PEAK1: variants seen among roughly 807,000 people sequenced by gnomAD.
The protein encoded by PEAK1 is pseudopodium enriched atypical kinase 1, also known as inactive tyrosine-protein kinase PEAK1.
In PEAK1, 54 loss-of-function variants were observed where a neutral mutation model predicts 124.7. The observed-to-expected ratio is 0.43, with a 90% CI of 0.35 to 0.54. PEAK1 has a LOEUF of 0.54. Ranked by LOEUF, PEAK1 falls within the 20% of genes least tolerant of loss-of-function variation. The pLI, the probability that PEAK1 is intolerant of heterozygous loss-of-function variation, is 0.01. For synonymous variants in PEAK1, 719 were observed against 760.0 expected (o/e 0.95, Z 0.89); for missense variants, 2,046 against 2,134.5 (o/e 0.96, Z 0.82).
intron 1 of PEAK1, chr15:77,404,214 G>C (rs1033724626): frequency 8.5e-5 from 84 of 985,296 alleles, no homozygotes; most frequent in Non-Finnish European, 1.0e-4. Flanking sequence ...ACCAAAGTGA[G>C]TGTTCAGGAT....
chr15:77,347,136 GA>G (rs1012631771), intron 2 of PEAK1: 1 of 828,532 alleles, frequency 1.2e-6, no homozygotes, highest in Non-Finnish European at 1.5e-6. Flanking sequence ...TATATTCATA[GA>G]AGACAAAAGA....
At chr15:77,264,460 A>G (rs1250582514) in intron 5 of PEAK1, among the ~76,000 whole-genome samples, 1 of 152,208 alleles carries the variant, frequency 6.6e-6, no homozygotes, top group Non-Finnish European at 1.5e-5. Flanking sequence ...TACACCAATA[A>G]CAGACAAACA....
At chr15:77,399,910 A>G (rs965736838) in intron 1 of PEAK1, among the ~76,000 whole-genome samples, 2 of 152,208 alleles carry the variant, frequency 1.3e-5, no homozygotes, top group African/African-American at 4.8e-5. Flanking sequence ...TTTGCAAACT[A>G]CCCATTTGAC....
At chr15:77,253,733 T>C (rs1432471693) in intron 5 of PEAK1, among the ~76,000 whole-genome samples, 1 of 152,212 alleles carries the variant, frequency 6.6e-6, no homozygotes, top group Admixed American at 6.6e-5. Context: ...ATTTTTCTGA[T>C]AAGTCAGCTG....
At position 77,239,900 on chromosome 15, in the gene PEAK1, T is replaced by C. The variant is rs893916066; in HGVS notation, c.-115+12467A>G. ...TTGAGAGAGTAAAATCTGTCAATAA[T>C]AATGGCAACCTAATTATATGTTTCT... is the stretch of plus-strand genomic sequence containing the variant. On this transcript the variant is annotated intron_variant, in intron 6 of 9. Coordinates refer to ENST00000682557, the MANE Select transcript of PEAK1 (RefSeq NM_001385026.1). The C allele has an allele frequency of 6.1e-5, 56 of 921,208 alleles. No homozygotes were observed. The African/African-American group carries it at 9.7e-4, about 16-fold the overall frequency. 57.1% of individuals were successfully genotyped at this position (921,208 alleles called of 1,614,324 possible). A position where few individuals can be genotyped will look rare whatever the true frequency, so the allele number is the denominator to read the frequency against.
At chr15:77,311,726 A>G (rs2064475591) in intron 2 of PEAK1, among the ~76,000 whole-genome samples, 1 of 149,406 alleles carries the variant, frequency 6.7e-6, no homozygotes, top group African/African-American at 2.4e-5. Context: ...AACTAAAGGC[A>G]GAAGTTGTTA....
At chr15:77,349,581 T>G in intron 2 of PEAK1, 1 of 984,816 alleles carries the variant, frequency 1.0e-6, no homozygotes, top group Non-Finnish European at 1.2e-6. Flanking sequence ...GGTTACGGAG[T>G]CACTGAATAT....
At position 77,179,908 on chromosome 15, in the gene PEAK1, T is replaced by C. The variant is rs1256267463; in HGVS notation, c.2019A>G (p.Lys673=). 6.2e-7 allele frequency: 1 copy of C among 1,614,198 alleles called. No individual in the cohort carries two copies. Residue 673 remains lysine (K), a synonymous_variant, in exon 7 of 10, where the codon AAA becomes AAG. Transcript: ENST00000682557. The part of the protein sequence containing the change: ...HTYEEIETES[K]VPDNTTSKTT... The stretch of plus-strand genomic sequence containing the variant: ...TTTTGCTAGTGGTGTTATCAGGCAC[T>C]TTGCTTTCTGTTTCTATTTCTTCAT...
At chr15:77,339,331 T>C (rs924502598) in intron 2 of PEAK1, among the ~76,000 whole-genome samples, 22 of 152,100 alleles carry the variant, frequency 1.4e-4, no homozygotes, top group African/African-American at 5.3e-4. Context: ...CTAGAGCTCC[T>C]GGGCTCAAGC....
rs760055004 is a variant in PEAK1 at position 77,114,156 on chromosome 15, T to C, written c.5241A>G (p.Ter1747=). 1.9e-6 allele frequency: 3 copies of C among 1,613,382 alleles called. No homozygotes were observed. The highest frequency in any genetic ancestry group is 8.5e-7 in the Non-Finnish European group (1 of 1,179,382). ...AGTAAAAGCATCATCCAGGTACACA[T>C]TAACGGTGCTGCAGAATTTTCACAA... ...SCIVKILQHR[*] Residue 1747 remains the stop codon, a stop_retained_variant, in exon 10 of 10, where the codon TAA becomes TAG. Transcript: ENST00000682557.
At position 77,114,786 on chromosome 15, in the gene PEAK1, C is replaced by T. The variant is rs759830769; in HGVS notation, c.4611G>A (p.Gly1537=). 1.4e-5 allele frequency: 22 copies of T among 1,612,882 alleles called. No homozygotes were observed. Among genetic ancestry groups the T allele is most frequent in the Non-Finnish European group, 1.7e-5 (20 of 1,179,930 alleles). The part of the protein sequence containing the change: ...YQPGGTAQGF[G]PAEPSPTSSY... Reference sequence around the variant, plus strand: ...ATGAGGTGGGGCTGGGCTCTGCAGGCCCAAAGCCTTGGGCAGTCCCCCCAG... The same window carrying T: ...ATGAGGTGGGGCTGGGCTCTGCAGGTCCAAAGCCTTGGGCAGTCCCCCCAG... Residue 1537 remains glycine, a synonymous_variant, in exon 10 of 10, where the codon GGG becomes GGA. Coordinates refer to ENST00000682557, the MANE Select transcript of PEAK1 (RefSeq NM_001385026.1).
intron 1 of PEAK1, among the ~76,000 whole-genome samples, chr15:77,401,111 GA>G (rs1270586214): frequency 1.3e-5 from 2 of 152,020 alleles, no homozygotes; most frequent in Admixed American, 1.3e-4. Context: ...TACATCAGAA[GA>G]AAAAACTCTT....
At chr15:77,350,043 G>A in intron 2 of PEAK1, 1 of 985,290 alleles carries the variant, frequency 1.0e-6, no homozygotes, top group Non-Finnish European at 1.2e-6. Context: ...AGGAAGTCAG[G>A]GCTCAGCCAC....
At chr15:77,278,922 T>A (rs1041328217) in intron 5 of PEAK1, 7 of 227,078 alleles carry the variant, frequency 3.1e-5, no homozygotes, top group African/African-American at 1.8e-4. Flanking sequence ...AACCTCCGCC[T>A]CCTGGGTTCA....
chr15:77,144,510 C>T (rs192153623), intron 8 of PEAK1, among the ~76,000 whole-genome samples: 17 of 152,248 alleles, frequency 1.1e-4, no homozygotes, highest in Admixed American at 8.5e-4. Flanking sequence ...TGATGTAAGG[C>T]GCACAGCAGG....
chr15:77,117,204 G>C (rs1324977982), intron 9 of PEAK1, among the ~76,000 whole-genome samples: 1 of 152,160 alleles, frequency 6.6e-6, no homozygotes, highest in East Asian at 1.9e-4. Flanking sequence ...GAATCAGATT[G>C]GATGGTTAAA....
chr15:77,279,868 T>G (rs1028040730), intron 5 of PEAK1, among the ~76,000 whole-genome samples: 2 of 152,186 alleles, frequency 1.3e-5, no homozygotes, highest in Admixed American at 6.5e-5. Context: ...TATACAATAT[T>G]CTGGAACAGG....
chr15:77,255,252 T>A, intron 5 of PEAK1: 1 of 607,400 alleles, frequency 1.6e-6, no homozygotes, highest in Non-Finnish European at 2.1e-6. Context: ...AACCTATTAA[T>A]TATTTATTCC....
intron 6 of PEAK1, among the ~76,000 whole-genome samples, chr15:77,215,880 AG>A (rs1410552214): frequency 6.6e-6 from 1 of 151,020 alleles, no homozygotes; most frequent in East Asian, 1.9e-4. Flanking sequence ...TGTTACCTGT[AG>A]ATTTATGATC....
Sources: gnomAD v4.1 joint callset for allele counts (sites outside exome capture counted in the v4.1 genomes callset) on GRCh38, gnomAD v4.1.1 for gene constraint, MANE v1.5 for transcripts, NCBI Gene and HGNC (gene_info 2026-07-23, HGNC 2026-07-21) for gene names.